The following TMC1 variants were observed in gnomAD, a reference collection of about 807,000 sequenced individuals.
TMC1 encodes transmembrane channel-like protein 1.
A neutral mutation model predicts 105.8 loss-of-function variants in TMC1; 84 were observed. The ratio of observed to expected loss-of-function variants is 0.79; its 90% confidence interval spans 0.67 to 0.95. The LOEUF is 0.95. Ranked by LOEUF, TMC1 falls within the 40% of genes least tolerant of loss-of-function variation. TMC1 has a pLI of 0.00. For synonymous variants in TMC1, 315 were observed against 311.5 expected, an observed-to-expected ratio of 1.01 and a Z score of -0.12; for missense variants, 817 against 914.1, an observed-to-expected ratio of 0.89 and a Z score of 1.37.
chr9:72,772,613 A>G, intron 13 of TMC1, 58 bp downstream of exon 13: 1 of 1,605,024 alleles, frequency 6.2e-7, no homozygotes, highest in Admixed American at 1.7e-5. Context: ...AAATGGAGGG[A>G]TTAATTTGGG....
intron 12 of TMC1, among the ~76,000 whole-genome samples, chr9:72,758,517 G>C (rs540991317): frequency 1.3e-5 from 2 of 152,200 alleles, no homozygotes; most frequent in East Asian, 3.8e-4. Context: ...TGGTCAGGAC[G>C]TGGTGTCCTC....
chr9:72,648,709 G>T, intron 5 of TMC1, 45 bp downstream of exon 5: 1 of 1,548,288 alleles, frequency 6.5e-7, no homozygotes, highest in Non-Finnish European at 8.9e-7. Flanking sequence ...ATGTCTTTCT[G>T]AGAGGTATAA....
chr9:72,573,114 T>G (rs1824315988), intron 1 of TMC1, among the ~76,000 whole-genome samples: 1 of 152,222 alleles, frequency 6.6e-6, no homozygotes, highest in Admixed American at 6.5e-5. Flanking sequence ...CAGATGTGCA[T>G]GAGCCATTGG....
At chr9:72,558,162 C>G (rs1330305869) in intron 1 of TMC1, among the ~76,000 whole-genome samples, 1 of 152,076 alleles carries the variant, frequency 6.6e-6, no homozygotes, top group African/African-American at 2.4e-5. Context: ...CTCTCTCTTT[C>G]TCTCTTTCTC....
rs1246401807 is a variant in TMC1, at chr9:72,791,983, G to A, written c.1322G>A (p.Trp441Ter). The change falls in exon 16 of 24, where the codon TGG (tryptophan) becomes TAG (stop). Residue 441 changes from tryptophan (W) to a stop codon, truncating the protein, a stop_gained. Transcript: ENST00000297784. LOFTEE classifies it high-confidence loss of function. The stretch of plus-strand genomic sequence containing the variant: ...TACCATCCTCTCATCGCTTTGAAAT[G>A]GCTACTGGGACGCATTTTTGCTCTT... Reference protein sequence around the residue: ...EDYHPLIALKWLLGRIFALLL... With the variant: ...EDYHPLIALK 6.2e-7 allele frequency: 1 copy of A among 1,614,014 alleles called. No individual in the cohort carries two copies. Among genetic ancestry groups the A allele is most frequent in the Admixed American group, 1.7e-5 (1 of 60,014 alleles).
chr9:72,559,951 T>C (rs1336502026), intron 1 of TMC1, among the ~76,000 whole-genome samples: 1 of 152,250 alleles, frequency 6.6e-6, no homozygotes, highest in Non-Finnish European at 1.5e-5. Flanking sequence ...ACTGTTATTT[T>C]GGAACAATTG....
chr9:72,684,405 C>T (rs1267044454), intron 5 of TMC1, among the ~76,000 whole-genome samples: 2 of 152,138 alleles, frequency 1.3e-5, no homozygotes, highest in Admixed American at 6.5e-5. Flanking sequence ...GTCTCTGATG[C>T]ACATCTTCTG....
At chr9:72,538,506 G>A (rs1254507629) in intron 1 of TMC1, among the ~76,000 whole-genome samples, 4 of 151,704 alleles carry the variant, frequency 2.6e-5, no homozygotes, top group East Asian at 1.9e-4. Context: ...GCACGATCTC[G>A]GCTCACTGTA....
intron 1 of TMC1, among the ~76,000 whole-genome samples, chr9:72,547,219 G>A (rs371570194): frequency 2.0e-5 from 3 of 151,462 alleles, no homozygotes; most frequent in East Asian, 1.9e-4. Context: ...CCTGGGAGGC[G>A]GAGGTTGCAG....
intron 5 of TMC1, among the ~76,000 whole-genome samples, chr9:72,656,486 A>G (rs1825886814): frequency 6.6e-6 from 1 of 152,104 alleles, no homozygotes. Flanking sequence ...GTATTTGAAA[A>G]CGTTTTTTAA....
At chr9:72,606,326 AAG>A (rs144311673) in intron 2 of TMC1, among the ~76,000 whole-genome samples, 6,452 of 152,252 alleles carry the variant, frequency 0.042, 201 homozygotes, top group Middle Eastern at 0.095. Flanking sequence ...GGGATGGGAT[AAG>A]AGAGAGAGAA....
intron 4 of TMC1, among the ~76,000 whole-genome samples, chr9:72,630,088 A>T (rs757143568): frequency 1.3e-5 from 2 of 151,698 alleles, no homozygotes; most frequent in Non-Finnish European, 2.9e-5. Context: ...CTGGTCTCGA[A>T]CTCCTGACCT....
chr9:72,605,188 G>C (rs759606706), intron 2 of TMC1, among the ~76,000 whole-genome samples: 1 of 152,120 alleles, frequency 6.6e-6, no homozygotes, highest in Non-Finnish European at 1.5e-5. Context: ...ATATTACAAG[G>C]AATCCAAACA....
chr9:72,800,052 C>T (rs578241210), intron 17 of TMC1, among the ~76,000 whole-genome samples: 1 of 152,268 alleles, frequency 6.6e-6, no homozygotes, highest in South Asian at 2.1e-4. Flanking sequence ...TATTCTCTTC[C>T]CAAGTCTGCA....
At chr9:72,829,983 A>G (rs1564582848) in intron 21 of TMC1, among the ~76,000 whole-genome samples, 1 of 152,194 alleles carries the variant, frequency 6.6e-6, no homozygotes, top group Non-Finnish European at 1.5e-5. Flanking sequence ...GCCTATGAGG[A>G]TTACATTCTT....
intron 3 of TMC1, among the ~76,000 whole-genome samples, chr9:72,623,043 C>T (rs1259864050): frequency 8.1e-6 from 1 of 124,152 alleles, no homozygotes; most frequent in Non-Finnish European, 1.6e-5. Flanking sequence ...CAGAGCGAGA[C>T]TCCATCTCAA....
intron 12 of TMC1, among the ~76,000 whole-genome samples, chr9:72,768,600 GC>G (rs1170194420): frequency 5.3e-5 from 8 of 151,826 alleles, no homozygotes; most frequent in African/African-American, 1.9e-4. Context: ...GACTCTGCCT[GC>G]CCCAACTAGA....
intron 12 of TMC1, among the ~76,000 whole-genome samples, chr9:72,769,601 G>A (rs946016495): frequency 2.0e-5 from 3 of 152,212 alleles, no homozygotes; most frequent in African/African-American, 4.8e-5. Context: ...ATGTTAATGG[G>A]TCTTCACTTG....
intron 7 of TMC1, among the ~76,000 whole-genome samples, chr9:72,698,566 GA>G (rs1271960505): frequency 3.3e-5 from 5 of 152,130 alleles, no homozygotes; most frequent in African/African-American, 1.2e-4. Context: ...ATTGAACAGA[GA>G]GAATTTAATA....
Sources: allele counts gnomAD v4.1 joint callset (sites outside exome capture counted in the v4.1 genomes callset), GRCh38; gene constraint gnomAD v4.1.1; transcripts MANE v1.5; gene names NCBI Gene and HGNC (gene_info 2026-07-23, HGNC 2026-07-21).